The following MCTP2 variants were observed in gnomAD, a reference collection of about 807,000 sequenced individuals.
The protein encoded by MCTP2 is multiple C2 and transmembrane domain-containing protein 2.
In MCTP2, 132 loss-of-function variants were observed where a neutral mutation model predicts 111.6. The observed-to-expected ratio is 1.18, with a 90% CI of 1.03 to 1.37. The LOEUF (loss-of-function observed/expected upper bound fraction) is 1.37. Among genes scored for constraint, MCTP2 ranks in the 40% most tolerant of loss-of-function variants. The pLI, the probability that MCTP2 is intolerant of heterozygous loss-of-function variation, is 0.00. For synonymous variants in MCTP2, 395 were observed against 387.7 expected, an observed-to-expected ratio of 1.02 and a Z score of -0.22; for missense variants, 1,183 against 1,067.9, an observed-to-expected ratio of 1.11 and a Z score of -1.50.
At chr15:94,262,760 T>C (rs1192045061) in intron 1 of MCTP2, among the ~76,000 whole-genome samples, 2 of 151,952 alleles carry the variant, frequency 1.3e-5, no homozygotes, top group Non-Finnish European at 2.9e-5. Flanking sequence ...AACCTCAGCC[T>C]CCTGGGTTCA....
At chr15:94,475,881 G>A (rs532247669) in intron 21 of MCTP2, among the ~76,000 whole-genome samples, 11 of 151,036 alleles carry the variant, frequency 7.3e-5, no homozygotes, top group Admixed American at 2.6e-4. Context: ...AAAGAGGGAC[G>A]GTCTATAGGA....
chr15:94,290,299 T>G (rs887974254), intron 1 of MCTP2, among the ~76,000 whole-genome samples: 2 of 152,194 alleles, frequency 1.3e-5, no homozygotes, highest in African/African-American at 4.8e-5. Context: ...ACAAAACAAA[T>G]GCAGGTGATC....
At chr15:94,477,349 A>C (rs867605851) in intron 22 of MCTP2, among the ~76,000 whole-genome samples, 1 of 152,202 alleles carries the variant, frequency 6.6e-6, no homozygotes, top group Non-Finnish European at 1.5e-5. Flanking sequence ...GATCAATCAG[A>C]AGTATTATTC....
intron 7 of MCTP2, among the ~76,000 whole-genome samples, chr15:94,344,463 G>A (rs974491983): frequency 6.6e-6 from 1 of 152,288 alleles, no homozygotes; most frequent in East Asian, 1.9e-4. Context: ...GTACTGAATG[G>A]TGACAGGAGT....
At position 94,384,114 on chromosome 15, in the gene MCTP2, G is replaced by C. The variant is rs2080314592; in HGVS notation, c.1675G>C (p.Val559Leu). 6.2e-7 allele frequency: 1 copy of C among 1,611,840 alleles called. No homozygotes were observed. Among genetic ancestry groups the C allele is most frequent in the African/African-American group, 1.3e-5 (1 of 74,848 alleles). Residue 559 changes from valine (V) to leucine (L), a missense_variant, in exon 13 of 23, where the codon GTT becomes CTT. Coordinates refer to ENST00000357742, the MANE Select transcript of MCTP2 (RefSeq NM_001385001.1). The stretch of plus-strand genomic sequence containing the variant: ...AAACCTCAACCCTGAATGGAACAAA[G>C]TTTTTACATTGTAAGTGCTTTAGCC... ...YKNLNPEWNK[V>L]FTFPIKDIHD...
chr15:94,368,285 G>A (rs1224509634), intron 11 of MCTP2, among the ~76,000 whole-genome samples: 1 of 152,200 alleles, frequency 6.6e-6, no homozygotes, highest in African/African-American at 2.4e-5. Context: ...GATGATAAGA[G>A]CAGTGTGTGA....
At chr15:94,277,901 A>C (rs569658162) in intron 1 of MCTP2, among the ~76,000 whole-genome samples, 1 of 152,304 alleles carries the variant, frequency 6.6e-6, no homozygotes, top group East Asian at 1.9e-4. Context: ...TACAAGATGT[A>C]AATAAAAGCG....
At chr15:94,329,172 C>G (rs992138203) in intron 4 of MCTP2, among the ~76,000 whole-genome samples, 1 of 152,128 alleles carries the variant, frequency 6.6e-6, no homozygotes, top group Non-Finnish European at 1.5e-5. Flanking sequence ...TTATTAAGTA[C>G]CACAGAATTT....
At chr15:94,242,886 T>G (rs2152227210) in intron 1 of MCTP2, among the ~76,000 whole-genome samples, 1 of 149,916 alleles carries the variant, frequency 6.7e-6, no homozygotes, top group East Asian at 2.0e-4. Flanking sequence ...CAGTGTTTCC[T>G]AAATATATGT....
chr15:94,297,565 G>A (rs925214305), intron 1 of MCTP2, among the ~76,000 whole-genome samples: 1 of 151,878 alleles, frequency 6.6e-6, no homozygotes, highest in Non-Finnish European at 1.5e-5. Flanking sequence ...TCTTGAAAAC[G>A]TACACTTAAT....
chr15:94,431,356 G>A (rs2083175976), intron 17 of MCTP2, among the ~76,000 whole-genome samples: 2 of 152,198 alleles, frequency 1.3e-5, no homozygotes, highest in South Asian at 4.1e-4. Flanking sequence ...ATGGTGCGGT[G>A]TGATTAGGAA....
At chr15:94,334,187 A>G (rs1287226536) in intron 4 of MCTP2, among the ~76,000 whole-genome samples, 1 of 152,244 alleles carries the variant, frequency 6.6e-6, no homozygotes, top group Non-Finnish European at 1.5e-5. Context: ...ATATTGGATC[A>G]TTCAGTTCTC....
At chr15:94,352,724 A>G (rs35653756) in intron 8 of MCTP2, among the ~76,000 whole-genome samples, 26,193 of 152,162 alleles carry the variant, frequency 0.17, 2,770 homozygotes, top group East Asian at 0.31. Context: ...AACCTAAGCT[A>G]TTCAGCTGAG....
intron 19 of MCTP2, among the ~76,000 whole-genome samples, chr15:94,443,981 CAAAAAAAAAAAAAA>C (rs58768404): frequency 1.4e-5 from 1 of 69,412 alleles, no homozygotes; most frequent in African/African-American, 6.2e-5. Context: ...GATATTTTAC[CAAAAAAAAAAAAAA>C]AAAAAAAAAA....
intron 1 of MCTP2, among the ~76,000 whole-genome samples, chr15:94,247,007 C>T (rs1430230491): frequency 6.6e-6 from 1 of 152,136 alleles, no homozygotes; most frequent in Non-Finnish European, 1.5e-5. Context: ...GGGCAAATGT[C>T]ATGTTAATGC....
chr15:94,444,958 A>G (rs777618672), intron 19 of MCTP2, among the ~76,000 whole-genome samples: 13 of 152,216 alleles, frequency 8.5e-5, no homozygotes, highest in Non-Finnish European at 1.8e-4. Context: ...ATGAATGGAA[A>G]CATGGTATTC....
intron 4 of MCTP2, among the ~76,000 whole-genome samples, chr15:94,335,577 G>A (rs2077321875): frequency 6.6e-6 from 1 of 152,166 alleles, no homozygotes. Flanking sequence ...TTCTCCAGCA[G>A]TTTCATTGTT....
At chr15:94,328,267 T>C (rs2076973182) in intron 4 of MCTP2, among the ~76,000 whole-genome samples, 3 of 151,896 alleles carry the variant, frequency 2.0e-5, no homozygotes, top group African/African-American at 7.3e-5. Context: ...TAGCTGGGAC[T>C]ACAGGTGCCC....
chr15:94,438,849 A>G (rs890578589), intron 17 of MCTP2, among the ~76,000 whole-genome samples: 1 of 152,172 alleles, frequency 6.6e-6, no homozygotes, highest in African/African-American at 2.4e-5. Context: ...TTATCACTCT[A>G]GAAGTATTTT....
Sources: gnomAD v4.1 joint callset for allele counts (sites outside exome capture counted in the v4.1 genomes callset) on GRCh38, gnomAD v4.1.1 for gene constraint, MANE v1.5 for transcripts, NCBI Gene and HGNC (gene_info 2026-07-23, HGNC 2026-07-21) for gene names.